The following LYRM4 variants were observed in gnomAD, a reference collection of about 807,000 sequenced individuals.
The protein encoded by LYRM4 is LYR motif containing 4, also known as LYR motif-containing protein 4.
A neutral mutation model predicts 11.7 loss-of-function variants in LYRM4; 9 were observed. The ratio of observed to expected loss-of-function variants is 0.77; its 90% confidence interval spans 0.46 to 1.34. The LOEUF is 1.34. LYRM4 is among the 40% of genes most tolerant of loss of function. LYRM4 has a pLI of 0.00. For missense variants in LYRM4, 133 were observed against 112.5 expected (o/e 1.18, Z -0.82); for synonymous variants, 42 against 40.4 (o/e 1.04, Z -0.15).
the LYRM4 span, among the ~76,000 whole-genome samples, chr6:5,070,607 G>T: frequency 6.6e-6 from 1 of 152,198 alleles, no homozygotes; most frequent in Admixed American, 6.5e-5. Flanking sequence ...TGGGTGCGGT[G>T]GTTTACACCT....
chr6:5,259,240 G>A (rs1285790709), intron 1 of LYRM4, among the ~76,000 whole-genome samples: 3 of 152,170 alleles, frequency 2.0e-5, no homozygotes, highest in African/African-American at 7.2e-5. Flanking sequence ...CCAGACTATG[G>A]TGAAATCAAA....
At chr6:5,047,206 A>T in the LYRM4 span, among the ~76,000 whole-genome samples, 2 of 152,304 alleles carry the variant, frequency 1.3e-5, no homozygotes, top group East Asian at 3.9e-4. Context: ...TAGCTACCAC[A>T]ATCTGTCACC....
intron 2 of LYRM4, among the ~76,000 whole-genome samples, chr6:5,185,034 G>A (rs538474642): frequency 1.1e-4 from 16 of 152,098 alleles, no homozygotes; most frequent in African/African-American, 3.6e-4. Flanking sequence ...TGTCATTGAC[G>A]CACTGAAGTC....
At chr6:5,101,987 A>ATTTTTTTTTTTTTTTTTTTTTTTTTTT (rs1762519472), downstream of LYRM4, among the ~76,000 whole-genome samples, 1 of 21,088 alleles carries the variant, frequency 4.7e-5, no homozygotes, top group Non-Finnish European at 1.2e-4. Flanking sequence ...TTTTTTTTGG[A>ATTTTTTTTTTTTTTTTTTTTTTTTTTT]GAGTTATGTT....
intron 2 of LYRM4, among the ~76,000 whole-genome samples, chr6:5,197,667 C>T (rs1349295502): frequency 1.3e-5 from 2 of 151,966 alleles, no homozygotes; most frequent in Non-Finnish European, 2.9e-5. Context: ...GAGTGAGACG[C>T]TGCCTCAAAA....
At chr6:5,246,455 C>G (rs1307109656) in intron 1 of LYRM4, among the ~76,000 whole-genome samples, 1 of 152,198 alleles carries the variant, frequency 6.6e-6, no homozygotes, top group Non-Finnish European at 1.5e-5. Flanking sequence ...AACCACTGAA[C>G]TTCCTCCTCC....
At chr6:5,163,244 G>A (rs1758873291) in intron 2 of LYRM4, among the ~76,000 whole-genome samples, 1 of 152,172 alleles carries the variant, frequency 6.6e-6, no homozygotes, top group Admixed American at 6.5e-5. Context: ...TGTATGGTAT[G>A]AGGAAGGGGT....
chr6:5,233,767 T>C (rs1343167012), intron 1 of LYRM4, among the ~76,000 whole-genome samples: 1 of 152,236 alleles, frequency 6.6e-6, no homozygotes, highest in Non-Finnish European at 1.5e-5. Context: ...CATGCCACCA[T>C]GCTCAGCCTG....
chr6:5,085,860 C>G, the LYRM4 span: 1 of 1,530,214 alleles, frequency 6.5e-7, no homozygotes, highest in African/African-American at 1.4e-5. Context: ...GCGGCTGCTG[C>G]GCCAAGTGCA....
chr6:5,200,426 C>T (rs552201478), intron 2 of LYRM4, among the ~76,000 whole-genome samples: 14 of 152,314 alleles, frequency 9.2e-5, no homozygotes, highest in Non-Finnish European at 1.9e-4. Context: ...CAGGAGCATG[C>T]ACTCTACTCC....
At chr6:5,149,023 ATTATTAT>A (rs751841848) in intron 2 of LYRM4, among the ~76,000 whole-genome samples, 15 of 152,136 alleles carry the variant, frequency 9.9e-5, no homozygotes, top group Non-Finnish European at 1.9e-4. Context: ...TTTCACATTA[ATTATTAT>A]ATTTTTAGGA....
the LYRM4 span, among the ~76,000 whole-genome samples, chr6:5,035,390 C>A: frequency 7.3e-5 from 11 of 151,620 alleles, no homozygotes; most frequent in Non-Finnish European, 1.2e-4. Flanking sequence ...GGACCCTCCC[C>A]TAGGGCAGCT....
chr6:5,205,531 T>A (rs1761646584), intron 2 of LYRM4, among the ~76,000 whole-genome samples: 2 of 150,300 alleles, frequency 1.3e-5, no homozygotes, highest in African/African-American at 2.5e-5. Context: ...GTATGGTCAA[T>A]GTCTTATAAA....
At position 5,260,292 on chromosome 6, in the gene LYRM4, A is replaced by C. The variant is rs116361549; in HGVS notation, c.86+356T>G. On this transcript the variant is annotated intron_variant, in intron 1 of 2. Transcript: ENST00000330636. ...TTCCAGTGCTCAAGGGAAGTTTTACATATGCAACACACTGGCCTTAACTTC... is the reference window on the plus strand; with the variant it reads ...TTCCAGTGCTCAAGGGAAGTTTTACCTATGCAACACACTGGCCTTAACTTC... Among the ~76,000 whole-genome samples, 390 of 152,348 alleles carry C rather than the reference A, an allele frequency of 2.6e-3. 2 individuals are homozygous for C. The highest frequency in any genetic ancestry group is 8.8e-3 in the African/African-American group (366 of 41,590).
intron 2 of LYRM4, among the ~76,000 whole-genome samples, chr6:5,140,212 A>G (rs1247706363): frequency 6.6e-6 from 1 of 150,798 alleles, no homozygotes; most frequent in Non-Finnish European, 1.5e-5. Flanking sequence ...TGGGCAACAG[A>G]GCGAGACCCT....
At chr6:5,079,267 T>C in the LYRM4 span, among the ~76,000 whole-genome samples, 6 of 152,342 alleles carry the variant, frequency 3.9e-5, no homozygotes, top group African/African-American at 1.2e-4. Context: ...AGGAAATATA[T>C]GGAGGAAACT....
intron 1 of LYRM4, among the ~76,000 whole-genome samples, chr6:5,260,439 C>A (rs1165276026): frequency 6.6e-6 from 1 of 152,248 alleles, no homozygotes; most frequent in South Asian, 2.1e-4. Flanking sequence ...AACGTCTCCC[C>A]TGGTAGAAAG....
chr6:5,183,229 T>A (rs1258146116), intron 2 of LYRM4, among the ~76,000 whole-genome samples: 2 of 152,190 alleles, frequency 1.3e-5, no homozygotes, highest in East Asian at 3.8e-4. Context: ...ATAAAAGTAC[T>A]GTGTTCTAAT....
intron 1 of LYRM4, among the ~76,000 whole-genome samples, chr6:5,248,186 G>C (rs1014369133): frequency 6.6e-6 from 1 of 152,164 alleles, no homozygotes; most frequent in South Asian, 2.1e-4. Flanking sequence ...AGTTTGATTT[G>C]TTCTCTCTAA....
Sources: gnomAD v4.1 joint callset for allele counts (sites outside exome capture counted in the v4.1 genomes callset) on GRCh38, gnomAD v4.1.1 for gene constraint, MANE v1.5 for transcripts, NCBI Gene and HGNC (gene_info 2026-07-23, HGNC 2026-07-21) for gene names.